Variants in LHCGR observed in about 807,000 individuals in gnomAD.
LHCGR encodes lutropin-choriogonadotropic hormone receptor.
Under a neutral mutation model 60.7 loss-of-function variants are expected in LHCGR, and 55 were observed. The observed-to-expected ratio is 0.91, with a 90% CI of 0.73 to 1.13. The LOEUF (loss-of-function observed/expected upper bound fraction) is 1.13. LHCGR is among the 50% of genes most tolerant of loss of function. The pLI is 0.00. For missense variants in LHCGR, 862 were observed against 836.0 expected, an observed-to-expected ratio of 1.03 and a Z score of -0.38; for synonymous variants, 337 against 316.5, an observed-to-expected ratio of 1.06 and a Z score of -0.69.
At position 48,688,136 on chromosome 2, in the gene LHCGR, C is replaced by T. The variant is rs754675508; in HGVS notation, c.1661G>A (p.Arg554Gln). 22 of 1,613,838 alleles carry T rather than the reference C, an allele frequency of 1.4e-5. No homozygotes were observed. In the East Asian group the frequency reaches 2.0e-4, roughly 15 times the overall value. ...ATTGGTAGCCATTAATTCTGGGTTT[C>T]GAACTGCAAAATAAATTTTAATGTA... is the stretch of plus-strand genomic sequence containing the variant. Reference protein sequence around the residue: ...ACYIKIYFAVRNPELMATNKD... With the variant: ...ACYIKIYFAVQNPELMATNKD... Residue 554 changes from arginine to glutamine, a missense_variant, in exon 11 of 11, where the codon CGA becomes CAA. Coordinates refer to ENST00000294954, the MANE Select transcript of LHCGR (RefSeq NM_000233.4). This position sits in a 1 kb window ranked among gnomAD's most constrained non-coding sequence, Gnocchi z 5.2.
At chr2:48,692,479 G>A (rs1187568098) in intron 10 of LHCGR, among the ~76,000 whole-genome samples, 2 of 152,180 alleles carry the variant, frequency 1.3e-5, no homozygotes, top group Non-Finnish European at 2.9e-5. Context: ...CCCACCTGCT[G>A]TTACTGGTAT....
intron 10 of LHCGR, among the ~76,000 whole-genome samples, chr2:48,692,756 C>G (rs1017771309): frequency 6.6e-6 from 1 of 152,182 alleles, no homozygotes; most frequent in African/African-American, 2.4e-5. Context: ...GCCTTAGTGG[C>G]TGGCTCTAGA....
rs576386488 is a variant in LHCGR, at chr2:48,730,794, T to G, written c.233+433A>C. Among the ~76,000 whole-genome samples the G allele has an allele frequency of 1.5e-4, 23 of 152,358 alleles. 1 individual carries two copies. In the South Asian group the frequency reaches 4.8e-3, roughly 32 times the overall value. Reference sequence around the variant, plus strand: ...CTTTCATCAATATAGTTATAAATACTGTGTTTTTGTCATATACTTATATTT... The same window carrying G: ...CTTTCATCAATATAGTTATAAATACGGTGTTTTTGTCATATACTTATATTT... On this transcript the variant is annotated intron_variant, in intron 2 of 10. Coordinates refer to ENST00000294954, the MANE Select transcript of LHCGR (RefSeq NM_000233.4).
intron 1 of LHCGR, among the ~76,000 whole-genome samples, chr2:48,739,378 C>T (rs1669334431): frequency 6.6e-6 from 1 of 152,192 alleles, no homozygotes; most frequent in Admixed American, 6.5e-5. Flanking sequence ...TTTATTGCGG[C>T]ACTATTCACA....
Position 48,688,221 on chromosome 2 carries a change from C to A in LHCGR, c.1576G>T (p.Val526Phe). 1.9e-6 allele frequency: 3 copies of A among 1,614,124 alleles called. No individual in the cohort carries two copies. In the African/African-American group the frequency reaches 4.0e-5, roughly 22 times the overall value. ...PMDVETTLSQ[V>F]YILTILILNV... Reference sequence around the variant, plus strand: ...AGAATCAGGATGGTTAATATATAGACTTGTGAGAGAGTGGTTTCCACATCC... The same window carrying A: ...AGAATCAGGATGGTTAATATATAGAATTGTGAGAGAGTGGTTTCCACATCC... Residue 526 changes from valine to phenylalanine, a missense_variant, in exon 11 of 11, where the codon GTC becomes TTC. By Grantham distance (50) the Val-to-Phe change is conservative (BLOSUM62 -1). Coordinates refer to ENST00000294954, the MANE Select transcript of LHCGR (RefSeq NM_000233.4). This position sits in a 1 kb window ranked among gnomAD's most constrained non-coding sequence, Gnocchi z 5.2.
intron 1 of LHCGR, among the ~76,000 whole-genome samples, chr2:48,753,256 A>G (rs539824110): frequency 1.3e-5 from 2 of 152,258 alleles, no homozygotes; most frequent in African/African-American, 4.8e-5. Context: ...ATACTTTGAG[A>G]AATATTGCCT....
intron 7 of LHCGR, among the ~76,000 whole-genome samples, chr2:48,711,736 AT>A (rs747877521): frequency 2.0e-5 from 3 of 151,268 alleles, no homozygotes; most frequent in East Asian, 1.9e-4. Context: ...CAGTTCTTTT[AT>A]TTTTCCCCCT....
At chr2:48,750,167 G>C (rs556248765) in intron 1 of LHCGR, among the ~76,000 whole-genome samples, 1 of 152,162 alleles carries the variant, frequency 6.6e-6, no homozygotes, top group South Asian at 2.1e-4. Context: ...AAAGCTGAGG[G>C]TAGGGCCAAG....
At chr2:48,706,925 G>C (rs1667712370) in intron 8 of LHCGR, among the ~76,000 whole-genome samples, 1 of 152,144 alleles carries the variant, frequency 6.6e-6, no homozygotes, top group Non-Finnish European at 1.5e-5. Flanking sequence ...GACCAGTTTT[G>C]TTCCCTTGCT....
Position 48,698,659 on chromosome 2 carries a change from A to G in LHCGR, c.822T>C (p.Thr274=), listed in dbSNP as rs772521249. 2.5e-5 allele frequency: 41 copies of G among 1,614,056 alleles called. No individual in the cohort carries two copies. The highest frequency in any genetic ancestry group is 2.5e-5 in the Non-Finnish European group (29 of 1,180,042). ...TAAAAGCACAGCAGTGGCTGGGGTAAGTCAACGTGGCCTCCAGGAGATTGA... is the reference window on the plus strand; with the variant it reads ...TAAAAGCACAGCAGTGGCTGGGGTAGGTCAACGTGGCCTCCAGGAGATTGA... ...TFVNLLEATL[T]YPSHCCAFRN... The change falls in exon 9 of 11, where the codon ACT becomes ACC. Residue 274 remains threonine, a synonymous_variant. Coordinates refer to ENST00000294954, the MANE Select transcript of LHCGR (RefSeq NM_000233.4).
rs1337809465 is a variant in LHCGR, at chr2:48,755,649, A to G, written c.23T>C (p.Leu8Pro). ...CAGCAGCAGCAGCTTCAGCAGCTGC[A>G]GCGCCGAGAACCGCTGCTTCATGGC... MKQRFSA[L>P]QLLKLLLLLQ... Residue 8 changes from leucine to proline, a missense_variant, in exon 1 of 11, where the codon CTG (leucine) becomes CCG (proline). Leu to Pro is a moderately conservative substitution (Grantham distance 98). Transcript: ENST00000294954. The G allele has an allele frequency of 5.9e-6, 9 of 1,535,606 alleles. No homozygotes were observed. Among genetic ancestry groups the G allele is most frequent in the Non-Finnish European group, 7.0e-6 (8 of 1,146,306 alleles).
intron 8 of LHCGR, among the ~76,000 whole-genome samples, chr2:48,707,185 C>A (rs1357971941): frequency 6.6e-6 from 1 of 152,224 alleles, no homozygotes; most frequent in Non-Finnish European, 1.5e-5. Flanking sequence ...TGCTGGAGAT[C>A]CACTCCGGAC....
At chr2:48,735,189 C>A (rs1345015850) in intron 1 of LHCGR, among the ~76,000 whole-genome samples, 1 of 152,174 alleles carries the variant, frequency 6.6e-6, no homozygotes, top group Non-Finnish European at 1.5e-5. Context: ...TCTGCAGGTC[C>A]CCAACCCTTC....
intron 1 of LHCGR, among the ~76,000 whole-genome samples, chr2:48,749,176 AG>A (rs1669842149): frequency 6.6e-6 from 1 of 152,228 alleles, no homozygotes; most frequent in South Asian, 2.1e-4. Flanking sequence ...ACTGAGGTTC[AG>A]GGCCACATAG....
chr2:48,703,950 A>G (rs942386893), intron 8 of LHCGR, among the ~76,000 whole-genome samples: 1 of 151,996 alleles, frequency 6.6e-6, no homozygotes. Context: ...GAGAGAGGGC[A>G]TCCTTGTCTT....
At position 48,696,403 on chromosome 2, in the gene LHCGR, C is replaced by T. The variant is rs540516705; in HGVS notation, c.867-2099G>A. The stretch of plus-strand genomic sequence containing the variant: ...CCCTGAGGGCAGTAGGGTGCAAGGC[C>T]GCAACCAGAAAAGATATGTGACATT... On this transcript the variant is annotated intron_variant, in intron 9 of 10. Transcript: ENST00000294954. Among the ~76,000 whole-genome samples, 31 of 152,228 alleles carry T rather than the reference C, an allele frequency of 2.0e-4. 1 individual carries two copies. Among genetic ancestry groups the T allele is most frequent in the African/African-American group, 5.1e-4 (21 of 41,528 alleles).
intron 2 of LHCGR, among the ~76,000 whole-genome samples, chr2:48,730,061 G>GA (rs1283283161): frequency 6.6e-6 from 1 of 151,868 alleles, no homozygotes; most frequent in African/African-American, 2.4e-5. Flanking sequence ...CCTGCCAGTT[G>GA]AAAAAAAAGT....
rs1331550978 is a variant in LHCGR at position 48,755,537 on chromosome 2, G to A, written c.135C>T (p.Pro45=). ...NCVPDGALRC[P]GPTAGLTRLS... is the part of the protein sequence containing the mutation. ...GTCGAGTGAGACCGGCCGTGGGGCC[G>A]GGGCAGCGCAGGGCGCCGTCGGGCA... Residue 45 remains proline, a synonymous_variant, in exon 1 of 11, where the codon CCC becomes CCT. Coordinates refer to ENST00000294954, the MANE Select transcript of LHCGR (RefSeq NM_000233.4). 6.5e-6 allele frequency: 10 copies of A among 1,541,362 alleles called. No homozygotes were observed. Among genetic ancestry groups the A allele is most frequent in the African/African-American group, 1.4e-5 (1 of 72,784 alleles).
In LHCGR at chr2:48,723,600, T is replaced by C. The variant is rs200215383; in HGVS notation, c.458+22A>G. On this transcript the variant is annotated intron_variant, in intron 5 of 10. Coordinates refer to ENST00000294954, the MANE Select transcript of LHCGR (RefSeq NM_000233.4). ...GCTGCAAATAGGAAACTGTTATGCA[T>C]AGCAATCAGCCTGGTACTTACAGAA... The C allele has an allele frequency of 5.6e-6, 9 of 1,607,620 alleles. No homozygotes were observed. In the Admixed American group the frequency reaches 8.3e-5, roughly 15 times the overall value.
Sources: gnomAD v4.1 joint callset for allele counts (sites outside exome capture counted in the v4.1 genomes callset) on GRCh38, gnomAD v4.1.1 for gene constraint, Gnocchi (gnomAD v3.1) non-coding constraint, MANE v1.5 for transcripts, NCBI Gene and HGNC (gene_info 2026-07-23, HGNC 2026-07-21) for gene names.